EXD3: variants seen among roughly 807,000 people sequenced by gnomAD.
The protein encoded by EXD3 is exonuclease mut-7 homolog.
EXD3 carries 92 observed loss-of-function variants against 98.0 expected under a neutral mutation model. The observed-to-expected ratio is 0.94, with a 90% CI of 0.79 to 1.12. EXD3 has a LOEUF of 1.12. EXD3 is among the 50% of genes most tolerant of loss of function. The pLI, the probability that EXD3 is intolerant of heterozygous loss-of-function variation, is 0.00. For missense variants in EXD3, 1,222 were observed against 1,191.6 expected, an observed-to-expected ratio of 1.03 and a Z score of -0.38; for synonymous variants, 569 against 526.0, an observed-to-expected ratio of 1.08 and a Z score of -1.12.
In EXD3 at chr9:137,371,139, C is replaced by T. The variant is rs1292149171; in HGVS notation, c.462+1766G>A. On this transcript the variant is annotated intron_variant, in intron 5 of 21. Coordinates refer to ENST00000340951, the MANE Select transcript of EXD3 (RefSeq NM_017820.5). The surrounding 1 kb of genome is among the most constrained non-coding windows in gnomAD (Gnocchi z 8.0). ...TTCCTGCCTCGGAGCGCGAGGGAGGCGCATTCAGCCGGCCCCAGACAGTCT... is the reference window on the plus strand; with the variant it reads ...TTCCTGCCTCGGAGCGCGAGGGAGGTGCATTCAGCCGGCCCCAGACAGTCT... 2.0e-5 allele frequency among the ~76,000 whole-genome samples: 3 copies of T among 152,218 alleles called. No individual in the cohort carries two copies. Among genetic ancestry groups the T allele is most frequent in the East Asian group, 1.9e-4 (1 of 5,190 alleles).
At chr9:137,372,872 T>C (rs1294090244) in intron 5 of EXD3, 33 bp downstream of exon 5, 2 of 1,594,392 alleles carry the variant, frequency 1.3e-6, no homozygotes, top group Non-Finnish European at 1.7e-6. Context: ...GAGAAGCCGT[T>C]TCCCCATGAG....
chr9:137,400,045 A>AAAAAAAAAAAAAAAAAAAAAAAAAAAG (rs1564209842), intron 1 of EXD3, among the ~76,000 whole-genome samples: 4 of 149,916 alleles, frequency 2.7e-5, no homozygotes, highest in African/African-American at 1.0e-4. Flanking sequence ...AAAAAAAAAA[A>AAAAAAAAAAAAAAAAAAAAAAAAAAAG]AAAGAAAATG....
intron 2 of EXD3, among the ~76,000 whole-genome samples, chr9:137,389,163 T>A (rs1268943805): frequency 6.6e-6 from 1 of 152,060 alleles, no homozygotes; most frequent in Non-Finnish European, 1.5e-5. Context: ...TCCACCCACA[T>A]CTGCCTGTGC....
Position 137,403,642 on chromosome 9 carries a change from C to A in EXD3, c.-47-8238G>T, listed in dbSNP as rs1837580117. Among the ~76,000 whole-genome samples the A allele has an allele frequency of 6.6e-6, 1 of 152,140 alleles. No homozygotes were observed. The highest frequency in any genetic ancestry group is 1.5e-5 in the Non-Finnish European group (1 of 68,024). Reference sequence around the variant, plus strand: ...TGCCTTTTTAATTCTTTTGCTGTCACCTTAATTGGCCTTGGGGGAGATGGA... The same window carrying A: ...TGCCTTTTTAATTCTTTTGCTGTCAACTTAATTGGCCTTGGGGGAGATGGA... On this transcript the variant is annotated intron_variant, in intron 1 of 21. Transcript: ENST00000340951. The surrounding 1 kb of genome is among the most constrained non-coding windows in gnomAD (Gnocchi z 6.1).
At chr9:137,354,047 C>T (rs896757058) in intron 10 of EXD3, 2 of 1,205,284 alleles carry the variant, frequency 1.7e-6, no homozygotes, top group Non-Finnish European at 2.1e-6. Flanking sequence ...TCAGCCCCCA[C>T]CCGGCCCCAC....
chr9:137,396,538 G>A (rs780090004), intron 1 of EXD3, among the ~76,000 whole-genome samples: 4 of 152,092 alleles, frequency 2.6e-5, no homozygotes, highest in South Asian at 4.1e-4. Context: ...AGCCACACGC[G>A]GCACAGTCAC....
intron 1 of EXD3, among the ~76,000 whole-genome samples, chr9:137,398,638 A>G (rs1024433354): frequency 2.7e-5 from 4 of 148,324 alleles, no homozygotes; most frequent in Admixed American, 2.0e-4. Context: ...ACACACAGGC[A>G]CCCGCGTCCC....
rs1344464961 is a variant in EXD3 at position 137,358,636 on chromosome 9, G to A, written c.657-2268C>T. Among the ~76,000 whole-genome samples the A allele has an allele frequency of 3.3e-5, 5 of 152,162 alleles. No individual in the cohort carries two copies. In the South Asian group the frequency reaches 8.3e-4, roughly 25 times the overall value. On this transcript the variant is annotated intron_variant, in intron 7 of 21. Coordinates refer to ENST00000340951, the MANE Select transcript of EXD3 (RefSeq NM_017820.5). Reference sequence around the variant, plus strand: ...ATTTTAAAGCAAAGAGGCAATAGATGCTTGTGTTTAACTGCCACTTTAAAC... The same window carrying A: ...ATTTTAAAGCAAAGAGGCAATAGATACTTGTGTTTAACTGCCACTTTAAAC...
intron 19 of EXD3, among the ~76,000 whole-genome samples, chr9:137,318,130 CCT>C (rs1831799342): frequency 6.6e-6 from 1 of 152,180 alleles, no homozygotes; most frequent in African/African-American, 2.4e-5. Context: ...CTCTGAAGCC[CCT>C]GTCCACGGCA....
In EXD3 at chr9:137,395,562, C is replaced by T. The variant is rs1331173439; in HGVS notation, c.-47-158G>A. 6.6e-6 allele frequency among the ~76,000 whole-genome samples: 1 copy of T among 152,006 alleles called. No individual in the cohort carries two copies. The highest frequency in any genetic ancestry group is 1.5e-5 in the Non-Finnish European group (1 of 67,992). On this transcript the variant is annotated intron_variant, in intron 1 of 21. Transcript: ENST00000340951. The surrounding 1 kb of genome is among the most constrained non-coding windows in gnomAD (Gnocchi z 6.5). The stretch of plus-strand genomic sequence containing the variant: ...TGAGCATAGCGGGCAGCTCCACACT[C>T]CTCTCCCAGCTGGGGTGACGGCTGC...
rs1413585488 is a variant in EXD3 at position 137,349,852 on chromosome 9, T to C, written c.1495-321A>G. On this transcript the variant is annotated intron_variant, in intron 14 of 21. Coordinates refer to ENST00000340951, the MANE Select transcript of EXD3 (RefSeq NM_017820.5). The surrounding 1 kb of genome is among the most constrained non-coding windows in gnomAD (Gnocchi z 7.4). ...TGGCCAGCTCTCTGTCTCTGTTTTA[T>C]CTTCAGAAGAGGAGCACTGGGTGTG... 6.6e-6 allele frequency among the ~76,000 whole-genome samples: 1 copy of C among 152,064 alleles called. No homozygotes were observed. Among genetic ancestry groups the C allele is most frequent in the Non-Finnish European group, 1.5e-5 (1 of 68,010 alleles).
Position 137,353,814 on chromosome 9 carries a change from C to T in EXD3, c.870+525G>A, listed in dbSNP as rs536222792. 315 of 986,316 alleles carry T rather than the reference C, an allele frequency of 3.2e-4. No homozygotes were observed. In the African/African-American group the frequency reaches 4.5e-3, roughly 14 times the overall value. The allele number at this position is 986,316 out of a possible 1,614,324, so 61.1% of individuals were successfully genotyped here. On this transcript the variant is annotated intron_variant, in intron 10 of 21. Transcript: ENST00000340951. ...AGCTCCTGCACGACCTCCCACCCCA[C>T]GGCCTCGAGGAGGGTCCGCCTGCCC...
intron 19 of EXD3, among the ~76,000 whole-genome samples, chr9:137,312,373 C>T (rs1831409774): frequency 6.6e-6 from 1 of 152,188 alleles, no homozygotes; most frequent in East Asian, 1.9e-4. Flanking sequence ...CCCCCGTGTG[C>T]CTGGTTCCCA....
At chr9:137,374,562 C>T in intron 3 of EXD3, 1 of 985,494 alleles carries the variant, frequency 1.0e-6, no homozygotes, top group Non-Finnish European at 1.2e-6. Flanking sequence ...CTCCCAGCAC[C>T]TGACAAATCT....
In EXD3 at chr9:137,349,391, G is replaced by A. The variant is rs756453807; in HGVS notation, c.1635C>T (p.Cys545=). 7.5e-6 allele frequency: 12 copies of A among 1,592,310 alleles called. No individual in the cohort carries two copies. The highest frequency in any genetic ancestry group is 3.3e-4 in the Middle Eastern group (2 of 5,972). The change falls in exon 15 of 22, where the codon TGC becomes TGT. Residue 545 remains cysteine, a synonymous_variant. Transcript: ENST00000340951. The surrounding 1 kb of genome is among the most constrained non-coding windows in gnomAD (Gnocchi z 7.4). ...QLSNWDRRPL[C]EEQVIYAAAD... ...CACCTGCGTAGATGACCTGCTCCTC[G>A]CAGAGCGGCCTCCGGTCCCAGTTGG...
At position 137,373,568 on chromosome 9, in the gene EXD3, G is replaced by T. The variant is rs1198257925; in HGVS notation, c.152C>A (p.Ala51Asp). 1.2e-6 allele frequency: 2 copies of T among 1,603,896 alleles called. No individual in the cohort carries two copies. The highest frequency in any genetic ancestry group is 1.7e-6 in the Non-Finnish European group (2 of 1,176,190). The change falls in exon 4 of 22, where the codon GCC (alanine) becomes GAC (aspartate). Residue 51 changes from alanine (A) to aspartate (D), a missense_variant. Coordinates refer to ENST00000340951, the MANE Select transcript of EXD3 (RefSeq NM_017820.5). ...AAGCCCGGCCAGGGGGTCGTCCAAG[G>T]CAGCAAACCCCCGCCAGGCTTCCTC... The part of the protein sequence containing the change: ...LREEAWRGFA[A>D]LDDPLAGLLD...
intron 12 of EXD3, 35 bp from the exon 13 acceptor site, chr9:137,351,563 G>T: frequency 6.5e-7 from 1 of 1,548,384 alleles, no homozygotes; most frequent in Non-Finnish European, 8.7e-7. Context: ...GATCATCAGG[G>T]CCAACTTGGC....
Position 137,351,097 on chromosome 9 carries a change from G to C in EXD3, c.1435C>G (p.Leu479Val). 6.3e-7 allele frequency: 1 copy of C among 1,584,256 alleles called. No individual in the cohort carries two copies. The highest frequency in any genetic ancestry group is 8.6e-7 in the Non-Finnish European group (1 of 1,166,176). ...AGAATCTGCTTCTCCACATGGGCCA[G>C]GGCGGGGCAGGACGTGCCCAGTTTT... ...LQKLGTSCPA[L>V]AHVEKQILGG... The change falls in exon 14 of 22, where the codon CTG (leucine) becomes GTG (valine). Residue 479 changes from leucine (L) to valine (V), a missense_variant. By Grantham distance (32) the Leu-to-Val change is conservative. Coordinates refer to ENST00000340951, the MANE Select transcript of EXD3 (RefSeq NM_017820.5).
chr9:137,420,878 G>A (rs911389858), intron 1 of EXD3, among the ~76,000 whole-genome samples: 3 of 152,100 alleles, frequency 2.0e-5, no homozygotes, highest in Non-Finnish European at 4.4e-5. Context: ...GCAGTGGTGC[G>A]ATCATAGCTC....
Sources: gnomAD v4.1 joint callset for allele counts (sites outside exome capture counted in the v4.1 genomes callset) on GRCh38, gnomAD v4.1.1 for gene constraint, Gnocchi (gnomAD v3.1) non-coding constraint, MANE v1.5 for transcripts, NCBI Gene and HGNC (gene_info 2026-07-23, HGNC 2026-07-21) for gene names.